The following IL1RL1 variants were observed in gnomAD, a reference collection of about 807,000 sequenced individuals.
IL1RL1 encodes interleukin-1 receptor-like 1.
IL1RL1 carries 32 observed loss-of-function variants against 50.9 expected under a neutral mutation model. That is an observed-to-expected ratio of 0.63 (90% CI 0.47 to 0.84). The LOEUF is 0.84. IL1RL1 is among the 40% of genes least tolerant of loss of function. The pLI, the probability that IL1RL1 is intolerant of heterozygous loss-of-function variation, is 0.00. For missense variants in IL1RL1, 773 were observed against 662.9 expected (o/e 1.17, Z -1.82); for synonymous variants, 275 against 236.0 (o/e 1.17, Z -1.51).
At chr2:102,348,743 G>A (rs1677849095) in intron 9 of IL1RL1, among the ~76,000 whole-genome samples, 1 of 152,118 alleles carries the variant, frequency 6.6e-6, no homozygotes, top group African/African-American at 2.4e-5. Flanking sequence ...GGGAGTATGG[G>A]GAAACCAAAG....
intron 1 of IL1RL1, among the ~76,000 whole-genome samples, chr2:102,323,219 T>C (rs1164861172): frequency 6.7e-6 from 1 of 149,712 alleles, no homozygotes; most frequent in East Asian, 1.9e-4. Context: ...AGCCATACAG[T>C]AGATGTTCTT....
At chr2:102,314,118 T>C (rs959405112) in intron 1 of IL1RL1, among the ~76,000 whole-genome samples, 20 of 151,122 alleles carry the variant, frequency 1.3e-4, no homozygotes, top group Non-Finnish European at 2.1e-4. Context: ...CTGGGATGTA[T>C]TTGTCCTTAG....
Position 102,340,183 on chromosome 2 carries a change from TC to T in IL1RL1, c.359del (p.Ser120Ter). 1 of 1,602,084 alleles carries T rather than the reference TC, an allele frequency of 6.2e-7. No homozygotes were observed. The highest frequency in any genetic ancestry group is 1.3e-5 in the African/African-American group (1 of 74,574). On this transcript the variant is annotated frameshift_variant, in exon 4 of 11. Transcript: ENST00000233954. LOFTEE classifies it high-confidence loss of function. ...CAATGTTCCAGATTATTTGATGTATTCAACAGTATCTGGATCAGAAAAAAAT... is the reference window on the plus strand; with the variant it reads ...CAATGTTCCAGATTATTTGATGTATTAACAGTATCTGGATCAGAAAAAAAT... ...DCNVPDYLMY[S>X]TVSGSEKNSK... is the part of the protein sequence containing the mutation.
At chr2:102,336,649 CCTT>C (rs139532854) in intron 1 of IL1RL1, among the ~76,000 whole-genome samples, 2,078 of 152,202 alleles carry the variant, frequency 0.014, 51 homozygotes, top group African/African-American at 0.048. Flanking sequence ...GTCACACTCT[CCTT>C]CTCTTTCTCT....
At chr2:102,341,344 A>T (rs1200296321) in intron 5 of IL1RL1, 1 of 1,229,780 alleles carries the variant, frequency 8.1e-7, no homozygotes, top group Non-Finnish European at 1.0e-6. Flanking sequence ...TTTCAACATC[A>T]TCAATGGCCT....
At position 102,338,978 on chromosome 2, in the gene IL1RL1, C is replaced by G; in HGVS notation, c.203C>G (p.Ser68Ter). 6.2e-7 allele frequency: 1 copy of G among 1,613,972 alleles called. No individual in the cohort carries two copies. Among genetic ancestry groups the G allele is most frequent in the Non-Finnish European group, 8.5e-7 (1 of 1,179,892 alleles). ...PTQERNRVFASGQLLKFLPAA... is the reference protein window; with the variant it reads ...PTQERNRVFA ...CAGGAAAGAAATCGTGTGTTTGCCT[C>G]AGGCCAACTTCTGAAGTTTCTACCA... The change falls in exon 3 of 11, where the codon TCA becomes TGA. Residue 68 changes from serine (S) to a stop codon, truncating the protein, a stop_gained. Transcript: ENST00000233954. LOFTEE classifies it high-confidence loss of function.
At chr2:102,317,896 C>T (rs993655747) in intron 1 of IL1RL1, among the ~76,000 whole-genome samples, 2 of 151,978 alleles carry the variant, frequency 1.3e-5, no homozygotes, top group Non-Finnish European at 2.9e-5. Context: ...ACACAGACAC[C>T]TGGAGGAAGA....
Position 102,339,432 on chromosome 2 carries a change from C to T in IL1RL1, c.272+385C>T, listed in dbSNP as rs112950691. ...CTAGTAGGTGAAAAGGGGCTTCTAA[C>T]CTTCAAGTTAAGCCACAGAAGGCTG... On this transcript the variant is annotated intron_variant, in intron 3 of 10. Transcript: ENST00000233954. 1.1e-3 allele frequency: 184 copies of T among 167,076 alleles called. 4 individuals are homozygous for T. In the South Asian group the frequency reaches 0.032, roughly 29 times the overall value. The allele number at this position is 167,076 out of a possible 1,614,324, so 10.3% of individuals were successfully genotyped here.
intron 1 of IL1RL1, among the ~76,000 whole-genome samples, chr2:102,333,942 C>T (rs867186445): frequency 4.6e-5 from 7 of 152,196 alleles, no homozygotes; most frequent in South Asian, 4.2e-4. Context: ...AATAGTAATC[C>T]GTGGTGCATA....
rs1243344757 is a variant in IL1RL1, at chr2:102,349,213, T to A, written c.1252T>A (p.Cys418Ser). Reference protein sequence around the residue: ...VLENKCGYTLCIYGRDMLPGE... With the variant: ...VLENKCGYTLSIYGRDMLPGE... ...TGAAAATAAATGTGGCTATACCTTA[T>A]GCATTTATGGGAGAGATATGCTACC... The change falls in exon 10 of 11, where the codon TGC (cysteine) becomes AGC (serine). Residue 418 changes from cysteine (C) to serine (S), a missense_variant. Transcript: ENST00000233954. The A allele has an allele frequency of 1.9e-6, 3 of 1,613,942 alleles. No homozygotes were observed. The highest frequency in any genetic ancestry group is 2.5e-6 in the Non-Finnish European group (3 of 1,179,818).
intron 1 of IL1RL1, among the ~76,000 whole-genome samples, chr2:102,321,742 C>T (rs1676844641): frequency 6.6e-6 from 1 of 152,056 alleles, no homozygotes; most frequent in Admixed American, 6.5e-5. Context: ...ATCTTCCAAG[C>T]AAAGGAAATT....
At chr2:102,320,261 G>T (rs1039654419) in intron 1 of IL1RL1, among the ~76,000 whole-genome samples, 7 of 152,076 alleles carry the variant, frequency 4.6e-5, no homozygotes, top group African/African-American at 1.7e-4. Context: ...CAGAACTCAG[G>T]GTCACTTCAT....
rs748033475 is a variant in IL1RL1 at position 102,343,040 on chromosome 2, A to G, written c.687A>G (p.Lys229=). ...AATGTCCTTACTCCCCTCTAGGAAAAAACGCAAACCTAACTTGCTCTGCTT... is the reference window on the plus strand; with the variant it reads ...AATGTCCTTACTCCCCTCTAGGAAAGAACGCAAACCTAACTTGCTCTGCTT... The part of the protein sequence containing the change: ...QNEIKEVEIG[K]NANLTCSACF... The change falls in exon 7 of 11, where the codon AAA becomes AAG. Residue 229 remains lysine, a synonymous_variant. Coordinates refer to ENST00000233954, the MANE Select transcript of IL1RL1 (RefSeq NM_016232.5). 6.2e-7 allele frequency: 1 copy of G among 1,613,730 alleles called. No individual in the cohort carries two copies. The highest frequency in any genetic ancestry group is 8.5e-7 in the Non-Finnish European group (1 of 1,179,938).
chr2:102,345,680 T>C, intron 8 of IL1RL1: 1 of 985,440 alleles, frequency 1.0e-6, no homozygotes, highest in Non-Finnish European at 1.2e-6. Context: ...CTTTAACCCC[T>C]GATTTGTAAG....
chr2:102,339,084 C>T (rs1677445425), intron 3 of IL1RL1, 37 bp downstream of exon 3: 3 of 1,465,766 alleles, frequency 2.0e-6, no homozygotes, highest in African/African-American at 2.8e-5. Flanking sequence ...TTTCACCCTG[C>T]TCCCCTTTCT....
intron 1 of IL1RL1, among the ~76,000 whole-genome samples, chr2:102,323,711 C>G (rs971990317): frequency 2.6e-5 from 4 of 152,104 alleles, no homozygotes; most frequent in Non-Finnish European, 5.9e-5. Context: ...GGGATCCACC[C>G]CCATGACCCA....
chr2:102,343,658 A>G, intron 8 of IL1RL1: 1 of 1,403,182 alleles, frequency 7.1e-7, no homozygotes, highest in East Asian at 2.6e-5. Flanking sequence ...GTTTGTCTAG[A>G]ACACTCAGCT....
In IL1RL1 at chr2:102,339,266, T is replaced by C. The variant is rs112240818; in HGVS notation, c.272+219T>C. On this transcript the variant is annotated intron_variant, in intron 3 of 10. Transcript: ENST00000233954. ...CTATTTGGATTTACAGTTGCAGGGA[T>C]TGATTTGTAGCTGACTTAGAGAAAA... 3.3e-4 allele frequency: 163 copies of C among 494,120 alleles called. 1 individual carries two copies. The South Asian group carries it at 5.0e-3, about 15-fold the overall frequency. The allele number at this position is 494,120 out of a possible 1,614,324, so 30.6% of individuals were successfully genotyped here.
At chr2:102,312,038 A>T (rs1272985483) in intron 1 of IL1RL1, among the ~76,000 whole-genome samples, 5 of 71,628 alleles carry the variant, frequency 7.0e-5, no homozygotes, top group South Asian at 6.5e-4. Flanking sequence ...TTATATATTA[A>T]ATATTATATA....
Sources: allele counts gnomAD v4.1 joint callset (sites outside exome capture counted in the v4.1 genomes callset), GRCh38; gene constraint gnomAD v4.1.1; transcripts MANE v1.5; gene names NCBI Gene and HGNC (gene_info 2026-07-23, HGNC 2026-07-21).